Variants in CSMD1 observed in about 807,000 individuals in gnomAD.
The protein encoded by CSMD1 is CUB and Sushi multiple domains 1.
Under a neutral mutation model 417.5 loss-of-function variants are expected in CSMD1, and 213 were observed. The observed-to-expected ratio is 0.51, with a 90% CI of 0.46 to 0.57. The LOEUF is 0.57. Ranked by LOEUF, CSMD1 falls within the 20% of genes least tolerant of loss-of-function variation. The pLI is 0.00. For synonymous variants in CSMD1, 2,862 were observed against 1,736.8 expected, an observed-to-expected ratio of 1.65 and a Z score of -16.11; for missense variants, 6,923 against 4,529.7, an observed-to-expected ratio of 1.53 and a Z score of -15.17.
chr8:4,454,203 C>G (rs1168862184), intron 2 of CSMD1, among the ~76,000 whole-genome samples: 3 of 152,048 alleles, frequency 2.0e-5, no homozygotes, highest in Non-Finnish European at 4.4e-5. Context: ...ATTAAAACTC[C>G]GTGTCTCCTT....
chr8:4,190,832 G>A (rs138098732), intron 3 of CSMD1, among the ~76,000 whole-genome samples: 34 of 152,090 alleles, frequency 2.2e-4, no homozygotes, highest in African/African-American at 7.0e-4. Context: ...ATTACCCTTC[G>A]CAAACTGATG....
intron 10 of CSMD1, among the ~76,000 whole-genome samples, chr8:3,545,620 A>C (rs1192386844): frequency 6.6e-6 from 1 of 152,224 alleles, no homozygotes; most frequent in Non-Finnish European, 1.5e-5. Context: ...CCGTAACCCA[A>C]GTTGAGCAAT....
chr8:3,032,248 T>C (rs1292679673), intron 50 of CSMD1, among the ~76,000 whole-genome samples: 1 of 151,890 alleles, frequency 6.6e-6, no homozygotes, highest in East Asian at 1.9e-4. Context: ...GAATGATAGG[T>C]AGAGAACATA....
At position 2,973,106 on chromosome 8, in the gene CSMD1, T is replaced by C. The variant is rs1804604681; in HGVS notation, c.8923+11A>G. On this transcript the variant is annotated intron_variant, in intron 57 of 69. Transcript: ENST00000635120. Reference sequence around the variant, plus strand: ...CTTTCAAGGTGGACCTTAAGGCTTCTGGCTACTCACCCTCACACACCGGCT... The same window carrying C: ...CTTTCAAGGTGGACCTTAAGGCTTCCGGCTACTCACCCTCACACACCGGCT... 1.2e-6 allele frequency: 2 copies of C among 1,611,842 alleles called. No homozygotes were observed. Among genetic ancestry groups the C allele is most frequent in the Non-Finnish European group, 1.7e-6 (2 of 1,178,862 alleles).
intron 3 of CSMD1, among the ~76,000 whole-genome samples, chr8:4,039,652 T>A (rs1797787122): frequency 1.3e-5 from 2 of 152,232 alleles, no homozygotes; most frequent in African/African-American, 4.8e-5. Context: ...TGGGACGTAA[T>A]CAGAACTGGC....
intron 5 of CSMD1, among the ~76,000 whole-genome samples, chr8:3,932,308 A>G (rs1398264203): frequency 1.3e-5 from 2 of 150,664 alleles, no homozygotes; most frequent in African/African-American, 4.9e-5. Flanking sequence ...TCAGTTAAAC[A>G]TGTGCTCATG....
chr8:3,761,919 T>A (rs1161032173), intron 5 of CSMD1, among the ~76,000 whole-genome samples: 1 of 152,110 alleles, frequency 6.6e-6, no homozygotes, highest in Non-Finnish European at 1.5e-5. Context: ...GGCTCTCTTT[T>A]TTCTGGGAGC....
chr8:4,744,877 G>T (rs1201308367), intron 1 of CSMD1, among the ~76,000 whole-genome samples: 1 of 152,074 alleles, frequency 6.6e-6, no homozygotes, highest in Non-Finnish European at 1.5e-5. Flanking sequence ...AAGTTGAACT[G>T]AATTTTTTCA....
At chr8:4,453,977 G>A (rs7834471) in intron 2 of CSMD1, among the ~76,000 whole-genome samples, 60,173 of 150,344 alleles carry the variant, frequency 0.4, 13,459 homozygotes, top group Non-Finnish European at 0.51. Context: ...GCCCGCCACC[G>A]CGCCCGGCTA....
chr8:4,477,943 T>C (rs1404839215), intron 2 of CSMD1, among the ~76,000 whole-genome samples: 2 of 152,240 alleles, frequency 1.3e-5, no homozygotes, highest in Admixed American at 1.3e-4. Context: ...ATGATAGCTA[T>C]GCAATAAATA....
chr8:4,218,489 A>T (rs953921004), intron 3 of CSMD1, among the ~76,000 whole-genome samples: 1 of 152,160 alleles, frequency 6.6e-6, no homozygotes. Flanking sequence ...TTGCTGTATG[A>T]TCTTTTTCTA....
rs757641643 is a variant in CSMD1 at position 3,586,107 on chromosome 8, C to T, written c.1222+29G>A. ...TGCCAACCTTAAAGAAAGAGATAAT[C>T]CAGGCTTTACCCACCGCAGGTGCCT... is the stretch of plus-strand genomic sequence containing the variant. On this transcript the variant is annotated intron_variant, in intron 9 of 69. Coordinates refer to ENST00000635120, the MANE Select transcript of CSMD1 (RefSeq NM_033225.6). 3 of 1,597,820 alleles carry T rather than the reference C, an allele frequency of 1.9e-6. No homozygotes were observed. In the Admixed American group the frequency reaches 5.3e-5, roughly 28 times the overall value.
intron 15 of CSMD1, among the ~76,000 whole-genome samples, chr8:3,404,705 G>C (rs1344911314): frequency 3.3e-5 from 5 of 152,046 alleles, no homozygotes; most frequent in African/African-American, 9.7e-5. Flanking sequence ...TTAACATTTT[G>C]GTGTGTAGCC....
At chr8:2,987,165 G>T (rs989429209) in intron 54 of CSMD1, among the ~76,000 whole-genome samples, 18 of 151,874 alleles carry the variant, frequency 1.2e-4, no homozygotes, top group African/African-American at 4.4e-4. Context: ...TATATTAAGG[G>T]CATTTAGCAT....
chr8:3,802,585 T>C (rs867866248), intron 5 of CSMD1, among the ~76,000 whole-genome samples: 7 of 152,212 alleles, frequency 4.6e-5, no homozygotes, highest in Admixed American at 6.5e-5. Context: ...TACAGGCTTA[T>C]TGCAGGATGT....
intron 1 of CSMD1, among the ~76,000 whole-genome samples, chr8:4,926,175 C>T (rs117735494): frequency 6.6e-6 from 1 of 152,136 alleles, no homozygotes; most frequent in Non-Finnish European, 1.5e-5. Flanking sequence ...CCAAGCCTAT[C>T]AAGTCTGAAA....
intron 3 of CSMD1, among the ~76,000 whole-genome samples, chr8:4,154,938 T>C (rs1408189840): frequency 3.3e-5 from 5 of 152,184 alleles, no homozygotes; most frequent in Non-Finnish European, 7.3e-5. Context: ...TTGACAATAA[T>C]ACAAAATGTT....
intron 1 of CSMD1, among the ~76,000 whole-genome samples, chr8:4,902,613 A>G (rs575639256): frequency 6.6e-6 from 1 of 152,220 alleles, no homozygotes. Flanking sequence ...TGACCATTGT[A>G]ATATTTTGAT....
chr8:4,651,122 G>C (rs182390629), intron 1 of CSMD1, among the ~76,000 whole-genome samples: 191 of 152,188 alleles, frequency 1.3e-3, no homozygotes, highest in African/African-American at 4.5e-3. Flanking sequence ...GCAGCAAAAA[G>C]CTGAGGCTAA....
Sources: allele counts gnomAD v4.1 joint callset (sites outside exome capture counted in the v4.1 genomes callset), GRCh38; gene constraint gnomAD v4.1.1; transcripts MANE v1.5; gene names NCBI Gene and HGNC (gene_info 2026-07-23, HGNC 2026-07-21).